PDE4D: variants seen among roughly 807,000 people sequenced by gnomAD.
PDE4D encodes phosphodiesterase 4D, also known as 3',5'-cyclic-AMP phosphodiesterase 4D.
PDE4D carries 24 observed loss-of-function variants against 87.4 expected under a neutral mutation model. The ratio of observed to expected loss-of-function variants is 0.27; its 90% confidence interval spans 0.20 to 0.39. PDE4D has a LOEUF of 0.39. PDE4D is among the 10% of genes least tolerant of loss of function. The pLI, the probability that PDE4D is intolerant of heterozygous loss-of-function variation, is 1.00. For synonymous variants in PDE4D, 384 were observed against 383.2 expected (o/e 1.00, Z -0.02); for missense variants, 714 against 1,041.0 (o/e 0.69, Z 4.32).
chr5:59,519,861 T>C (rs1463757407), intron 1 of PDE4D, among the ~76,000 whole-genome samples: 1 of 152,078 alleles, frequency 6.6e-6, no homozygotes, highest in Non-Finnish European at 1.5e-5. Context: ...CAGGAAGTAG[T>C]AAACAATATT....
At chr5:59,584,801 C>G (rs1824819142) in intron 1 of PDE4D, among the ~76,000 whole-genome samples, 1 of 152,100 alleles carries the variant, frequency 6.6e-6, no homozygotes, top group African/African-American at 2.4e-5. Context: ...CTGGTAATTT[C>G]CCCTCCCAAG....
chr5:60,327,038 T>C (rs970634686), intron 1 of PDE4D, among the ~76,000 whole-genome samples: 4 of 152,154 alleles, frequency 2.6e-5, no homozygotes, highest in Non-Finnish European at 4.4e-5. Context: ...TCCCATGCCA[T>C]AGAAAACCGT....
intron 5 of PDE4D, among the ~76,000 whole-genome samples, chr5:59,150,173 T>C (rs1581073133): frequency 1.3e-5 from 2 of 152,144 alleles, no homozygotes; most frequent in Middle Eastern, 6.8e-3. Flanking sequence ...AGGATAAGGA[T>C]GGTTTTTCTG....
chr5:60,170,698 T>C (rs1783346340), intron 2 of PDE4D, among the ~76,000 whole-genome samples: 1 of 152,008 alleles, frequency 6.6e-6, no homozygotes, highest in African/African-American at 2.4e-5. Context: ...AGAAACACGA[T>C]AATGACATAG....
chr5:59,591,279 C>T (rs1273580182), intron 1 of PDE4D, among the ~76,000 whole-genome samples: 2 of 152,158 alleles, frequency 1.3e-5, no homozygotes, highest in Non-Finnish European at 2.9e-5. Flanking sequence ...CTTCAACTTA[C>T]ACACTTCCTT....
chr5:60,469,932 AAC>A (rs1233508823), intron 1 of PDE4D, among the ~76,000 whole-genome samples: 1 of 152,214 alleles, frequency 6.6e-6, no homozygotes, highest in African/African-American at 2.4e-5. Context: ...AAGTGAAATA[AAC>A]AGTTACATAT....
intron 11 of PDE4D, among the ~76,000 whole-genome samples, chr5:58,978,654 A>G (rs967382532): frequency 1.3e-5 from 2 of 152,170 alleles, no homozygotes; most frequent in African/African-American, 4.8e-5. Context: ...AACTATAGAA[A>G]TACAAATTTG....
At chr5:59,685,012 AT>A (rs1749621025) in intron 1 of PDE4D, among the ~76,000 whole-genome samples, 1 of 152,130 alleles carries the variant, frequency 6.6e-6, no homozygotes, top group South Asian at 2.1e-4. Context: ...TTCTAATCCC[AT>A]TTTGGCATGG....
intron 1 of PDE4D, among the ~76,000 whole-genome samples, chr5:59,781,320 C>T (rs1194864116): frequency 6.6e-6 from 1 of 151,986 alleles, no homozygotes; most frequent in African/African-American, 2.4e-5. Context: ...AAAAGTGAAA[C>T]AATAAAAATG....
intron 2 of PDE4D, among the ~76,000 whole-genome samples, chr5:59,211,190 T>G (rs187088524): frequency 6.6e-6 from 1 of 152,224 alleles, no homozygotes; most frequent in Non-Finnish European, 1.5e-5. Flanking sequence ...ATTTATTTAC[T>G]AGACTCATGC....
intron 2 of PDE4D, among the ~76,000 whole-genome samples, chr5:60,068,702 T>A (rs1450827631): frequency 2.6e-5 from 4 of 152,090 alleles, no homozygotes; most frequent in African/African-American, 9.7e-5. Context: ...GTGCAAGCAA[T>A]CCTCCTACCT....
intron 5 of PDE4D, among the ~76,000 whole-genome samples, chr5:59,126,315 T>C (rs1775398443): frequency 6.6e-6 from 1 of 152,238 alleles, no homozygotes. Flanking sequence ...CCCAAATTCC[T>C]GCAAGACAAT....
intron 2 of PDE4D, among the ~76,000 whole-genome samples, chr5:59,199,689 C>A (rs1218045633): frequency 1.3e-5 from 2 of 151,900 alleles, no homozygotes; most frequent in Non-Finnish European, 2.9e-5. Context: ...AAAAATATTT[C>A]TGGGAGCCTA....
intron 6 of PDE4D, among the ~76,000 whole-genome samples, chr5:59,007,664 A>G (rs1182159724): frequency 6.6e-6 from 1 of 152,122 alleles, no homozygotes; most frequent in Non-Finnish European, 1.5e-5. Context: ...CCCTCTAGTG[A>G]TAATGGCTCT....
intron 1 of PDE4D, among the ~76,000 whole-genome samples, chr5:60,511,762 G>A (rs918807742): frequency 6.6e-6 from 1 of 151,702 alleles, no homozygotes; most frequent in South Asian, 2.1e-4. Flanking sequence ...ATTCATAATT[G>A]TCACATTATA....
chr5:60,365,722 G>A (rs763397324), intron 1 of PDE4D, among the ~76,000 whole-genome samples: 2 of 152,106 alleles, frequency 1.3e-5, no homozygotes, highest in Non-Finnish European at 1.5e-5. Flanking sequence ...TCAAACAACA[G>A]ACTTACATAG....
chr5:59,241,467 T>C (rs1253424194), intron 1 of PDE4D, among the ~76,000 whole-genome samples: 1 of 152,228 alleles, frequency 6.6e-6, no homozygotes, highest in Non-Finnish European at 1.5e-5. Context: ...TCCTGACATA[T>C]TCTTTACAAA....
At chr5:59,291,630 C>T (rs1768023987) in intron 1 of PDE4D, among the ~76,000 whole-genome samples, 1 of 151,514 alleles carries the variant, frequency 6.6e-6, no homozygotes, top group African/African-American at 2.4e-5. Flanking sequence ...GATGCATACC[C>T]ATTTACCATG....
intron 5 of PDE4D, among the ~76,000 whole-genome samples, chr5:59,112,081 A>G (rs112151008): frequency 6.6e-6 from 1 of 152,192 alleles, no homozygotes; most frequent in African/African-American, 2.4e-5. Context: ...CGATGCATTT[A>G]AAAAATGGGA....
Sources: allele counts gnomAD v4.1 joint callset (sites outside exome capture counted in the v4.1 genomes callset), GRCh38; gene constraint gnomAD v4.1.1; transcripts MANE v1.5; gene names NCBI Gene and HGNC (gene_info 2026-07-23, HGNC 2026-07-21).